The following CCDC134 variants were observed in gnomAD, a reference collection of about 807,000 sequenced individuals.
CCDC134 encodes coiled-coil domain containing 134, also known as coiled-coil domain-containing protein 134.
CCDC134 carries 27 observed loss-of-function variants against 25.6 expected under a neutral mutation model. That is an observed-to-expected ratio of 1.05 (90% confidence interval 0.78 to 1.45). The LOEUF (loss-of-function observed/expected upper bound fraction) is 1.45. Among genes scored for constraint, CCDC134 ranks in the 40% most tolerant of loss-of-function variants. CCDC134 has a pLI of 0.00. For missense variants in CCDC134, 261 were observed against 286.7 expected (o/e 0.91, Z 0.65); for synonymous variants, 110 against 115.0 (o/e 0.96, Z 0.28).
chr22:41,829,202 A>G lies in CCDC134; in HGVS notation c.*3379A>G, dbSNP rs969019579. Among the ~76,000 whole-genome samples the G allele has an allele frequency of 2.0e-5, 3 of 152,152 alleles. No homozygotes were observed. Among genetic ancestry groups the G allele is most frequent in the African/African-American group, 7.2e-5 (3 of 41,440 alleles). On this transcript the variant is annotated 3_prime_UTR_variant, in exon 7 of 7. Coordinates refer to ENST00000255784, the MANE Select transcript of CCDC134 (RefSeq NM_024821.5). Reference sequence around the variant, plus strand: ...GCCCTTCTCCTTATTCCAGTCCCACATCTTCCTCCCCTTCCCCATCACTGT... The same window carrying G: ...GCCCTTCTCCTTATTCCAGTCCCACGTCTTCCTCCCCTTCCCCATCACTGT...
At chr22:41,813,543 G>T (rs1002158438) in intron 5 of CCDC134, 98 bp downstream of exon 5, 12 of 1,415,444 alleles carry the variant, frequency 8.5e-6, no homozygotes, top group Non-Finnish European at 1.2e-5. Flanking sequence ...TCAGTGCTTG[G>T]TTACATTTTC....
At chr22:41,813,700 G>A (rs1413066572) in intron 5 of CCDC134, 51 bp from the exon 6 acceptor site, 1 of 1,561,344 alleles carries the variant, frequency 6.4e-7, no homozygotes. Context: ...ACTCTCTGGT[G>A]AGCAGGACTC....
At chr22:41,813,001 T>A (rs2076604446) in intron 4 of CCDC134, among the ~76,000 whole-genome samples, 1 of 152,220 alleles carries the variant, frequency 6.6e-6, no homozygotes, top group African/African-American at 2.4e-5. Context: ...ACTCACTAGC[T>A]GCTGAGCCTC....
In CCDC134 at chr22:41,831,339, A is replaced by C. The variant is rs892615321; in HGVS notation, c.*5516A>C. On this transcript the variant is annotated 3_prime_UTR_variant, in exon 7 of 7. Transcript: ENST00000255784. ...TTAGCTGGGATTACAGGCATGCGCC[A>C]CCACACCCGGCTAATTTTTGTATTT... is the stretch of plus-strand genomic sequence containing the variant. 3 of 151,800 alleles carry C rather than the reference A, an allele frequency of 2.0e-5. No individual in the cohort carries two copies. Among genetic ancestry groups the C allele is most frequent in the Non-Finnish European group, 4.4e-5 (3 of 68,056 alleles). The allele number at this position is 151,800 out of a possible 1,614,324, so 9.4% of individuals were successfully genotyped here.
chr22:41,801,915 A>T (rs925126668), intron 1 of CCDC134, among the ~76,000 whole-genome samples: 1 of 152,190 alleles, frequency 6.6e-6, no homozygotes, highest in Non-Finnish European at 1.5e-5. Flanking sequence ...AAAAGGAAAA[A>T]TGAGGATTAC....
chr22:41,812,741 G>T (rs1457719218), intron 4 of CCDC134, among the ~76,000 whole-genome samples: 1 of 152,066 alleles, frequency 6.6e-6, no homozygotes, highest in African/African-American at 2.4e-5. Flanking sequence ...AAAAATGCTG[G>T]CCTGTTGTGT....
intron 1 of CCDC134, 143 bp from the exon 2 acceptor site, chr22:41,808,732 G>A (rs981703354): frequency 1.5e-6 from 1 of 668,856 alleles, no homozygotes; most frequent in Non-Finnish European, 2.6e-6. Flanking sequence ...GATAAGAGCT[G>A]CAGCTTCAGG....
At chr22:41,807,555 C>G (rs2076574223) in intron 1 of CCDC134, among the ~76,000 whole-genome samples, 1 of 109,794 alleles carries the variant, frequency 9.1e-6, no homozygotes. Context: ...GAGCAGGACC[C>G]TGTCTCAAAA....
intron 1 of CCDC134, among the ~76,000 whole-genome samples, chr22:41,807,060 C>T (rs1241762595): frequency 2.6e-5 from 4 of 151,770 alleles, no homozygotes; most frequent in Admixed American, 6.6e-5. Flanking sequence ...AAAAACAAAA[C>T]AAAACAAAAA....
At chr22:41,801,220 C>T (rs1253187783) in intron 1 of CCDC134, among the ~76,000 whole-genome samples, 1 of 152,138 alleles carries the variant, frequency 6.6e-6, no homozygotes, top group East Asian at 1.9e-4. Flanking sequence ...TTCTGGTTCC[C>T]TTGAGTTTGG....
chr22:41,818,494 C>A (rs1307057940), intron 6 of CCDC134, among the ~76,000 whole-genome samples: 2 of 152,214 alleles, frequency 1.3e-5, no homozygotes, highest in Admixed American at 6.5e-5. Context: ...TGGAAGCAGG[C>A]CTTTCAAAGG....
rs2076715462 is a variant in CCDC134 at position 41,832,105 on chromosome 22, C to T, written c.*6282C>T. On this transcript the variant is annotated 3_prime_UTR_variant, in exon 7 of 7. Coordinates refer to ENST00000255784, the MANE Select transcript of CCDC134 (RefSeq NM_024821.5). ...ACTGGCAGGAAACTTCAACTTTTCC[C>T]TTTTATCAATATATTGTGAACGCCT... 3 of 152,188 alleles carry T rather than the reference C, an allele frequency of 2.0e-5. No homozygotes were observed. Among genetic ancestry groups the T allele is most frequent in the African/African-American group, 7.2e-5 (3 of 41,436 alleles). 9.4% of individuals were successfully genotyped at this position (152,188 alleles called of 1,614,324 possible).
At chr22:41,812,497 T>G (rs142297680) in intron 4 of CCDC134, among the ~76,000 whole-genome samples, 10 of 151,402 alleles carry the variant, frequency 6.6e-5, no homozygotes, top group Admixed American at 6.6e-4. Flanking sequence ...TATGTTATGT[T>G]AAGTCCAAGA....
intron 1 of CCDC134, 109 bp from the exon 2 acceptor site, chr22:41,808,766 T>TA: frequency 1.2e-6 from 1 of 842,542 alleles, no homozygotes; most frequent in Non-Finnish European, 1.9e-6. Flanking sequence ...GGGTTCTTGG[T>TA]ATACAGAGGC....
chr22:41,806,980 G>A (rs771999018), intron 1 of CCDC134, among the ~76,000 whole-genome samples: 17 of 152,078 alleles, frequency 1.1e-4, no homozygotes, highest in South Asian at 2.1e-4. Context: ...CCCAGGAAGC[G>A]GAGGTTGCAG....
Position 41,830,078 on chromosome 22 carries a change from T to G in CCDC134, c.*4255T>G, listed in dbSNP as rs541627754. 6.6e-6 allele frequency among the ~76,000 whole-genome samples: 1 copy of G among 152,296 alleles called. No homozygotes were observed. Among genetic ancestry groups the G allele is most frequent in the African/African-American group, 2.4e-5 (1 of 41,560 alleles). ...AAGCAACCGTGCCCGGCTGTCCATC[T>G]CTTTTCAGATGAAGAGCTCAGGTTC... On this transcript the variant is annotated 3_prime_UTR_variant, in exon 7 of 7. Transcript: ENST00000255784.
chr22:41,802,125 T>C (rs1217600164), intron 1 of CCDC134, among the ~76,000 whole-genome samples: 1 of 152,234 alleles, frequency 6.6e-6, no homozygotes, highest in African/African-American at 2.4e-5. Flanking sequence ...ATAAGAACCC[T>C]CTTTTCACAA....
intron 2 of CCDC134, among the ~76,000 whole-genome samples, 180 bp from the exon 3 acceptor site, chr22:41,809,699 T>C (rs574212116): frequency 6.2e-4 from 95 of 152,238 alleles, no homozygotes; most frequent in African/African-American, 2.2e-3. Flanking sequence ...GGGAACTGGA[T>C]GAATAGTGCG....
intron 4 of CCDC134, among the ~76,000 whole-genome samples, chr22:41,811,281 G>A (rs1258239360): frequency 2.0e-5 from 3 of 152,088 alleles, no homozygotes; most frequent in Non-Finnish European, 2.9e-5. Context: ...AGCTGAGAGC[G>A]CCAGTTTCTC....
Sources: allele counts gnomAD v4.1 joint callset (sites outside exome capture counted in the v4.1 genomes callset), GRCh38; gene constraint gnomAD v4.1.1; transcripts MANE v1.5; gene names NCBI Gene and HGNC (gene_info 2026-07-23, HGNC 2026-07-21).